ANO7: variants seen among roughly 807,000 people sequenced by gnomAD.
ANO7 encodes anoctamin 7.
A neutral mutation model predicts 115.8 loss-of-function variants in ANO7; 114 were observed. The ratio of observed to expected loss-of-function variants is 0.98; its 90% CI spans 0.85 to 1.15. The LOEUF is 1.15. Ranked by LOEUF, ANO7 falls within the 50% of genes most tolerant of loss-of-function variation. The probability of loss-of-function intolerance (pLI) is 0.00; values close to 1 mark genes in which losing one functional copy is unlikely to be tolerated. For synonymous variants in ANO7, 550 were observed against 498.2 expected, an observed-to-expected ratio of 1.10 and a Z score of -1.38; for missense variants, 1,302 against 1,201.2, an observed-to-expected ratio of 1.08 and a Z score of -1.24.
chr2:241,210,211 A>C lies in ANO7; in HGVS notation c.1360-84A>C, dbSNP rs536535459. 3.0e-6 allele frequency: 4 copies of C among 1,347,048 alleles called. No homozygotes were observed. In the South Asian group the frequency reaches 4.7e-5, roughly 16 times the overall value. The allele number at this position is 1,347,048 out of a possible 1,614,324, so 83.4% of individuals were successfully genotyped here. ...AGTGCTGGGGCCAGCAGTGGACTAGAAGAGCTGTCGGGGGCCATGGCCTGA... is the reference window on the plus strand; with the variant it reads ...AGTGCTGGGGCCAGCAGTGGACTAGCAGAGCTGTCGGGGGCCATGGCCTGA... On this transcript the variant is annotated intron_variant, in intron 13 of 24. Coordinates refer to ENST00000674324, the MANE Select transcript of ANO7 (RefSeq NM_001370694.2).
chr2:241,236,796 C>T, the ANO7 span: 1 of 1,610,050 alleles, frequency 6.2e-7, no homozygotes, highest in Non-Finnish European at 8.5e-7. Context: ...AAAGGGACAG[C>T]TGACAGCTGC....
Position 241,210,300 on chromosome 2 carries a change from CGTG to C in ANO7, c.1371_1373del (p.Val458del). The C allele has an allele frequency of 6.2e-7, 1 of 1,613,834 alleles. No individual in the cohort carries two copies. The highest frequency in any genetic ancestry group is 1.1e-5 in the South Asian group (1 of 91,072). Reference sequence around the variant, plus strand: ...GGGCCTCCCTGCCCCCGCAGGTGGCCGTGGTGGTCATGTGCCTCGTGTCTATCA... The same window carrying C: ...GGGCCTCCCTGCCCCCGCAGGTGGCCGTGGTCATGTGCCTCGTGTCTATCA... On this transcript the variant is annotated inframe_deletion, in exon 14 of 25. Coordinates refer to ENST00000674324, the MANE Select transcript of ANO7 (RefSeq NM_001370694.2).
chr2:241,201,886 T>C (rs1294420206), intron 7 of ANO7, among the ~76,000 whole-genome samples: 1 of 152,062 alleles, frequency 6.6e-6, no homozygotes, highest in South Asian at 2.1e-4. Flanking sequence ...AGGTCCAGAG[T>C]GGGCTGCGCA....
chr2:241,237,733 G>A, the ANO7 span, among the ~76,000 whole-genome samples: 2 of 152,196 alleles, frequency 1.3e-5, no homozygotes, highest in Non-Finnish European at 2.9e-5. Context: ...AAAAACGTGT[G>A]TAAAAGGGGA....
intron 16 of ANO7, 71 bp downstream of exon 16, chr2:241,212,276 G>A: frequency 2.1e-6 from 3 of 1,417,142 alleles, no homozygotes; most frequent in South Asian, 2.3e-5. Flanking sequence ...CCGCTGCCTG[G>A]GTACCAGGCG....
intron 18 of ANO7, among the ~76,000 whole-genome samples, chr2:241,215,573 G>A (rs959678393): frequency 1.3e-5 from 2 of 152,256 alleles, no homozygotes; most frequent in African/African-American, 4.8e-5. Context: ...CCTGCCTCTT[G>A]GAACTATTGG....
chr2:241,195,955 C>T (rs900653304), intron 4 of ANO7, 110 bp downstream of exon 4: 4 of 1,597,196 alleles, frequency 2.5e-6, no homozygotes, highest in Non-Finnish European at 2.6e-6. Context: ...CAGAGCAGAT[C>T]AGGCCCCAAA....
rs2068523861 is a variant in ANO7 at position 241,203,631 on chromosome 2, C to CCCCTCAAGGG, written c.889+133_889+134insCCCTCAAGGG. 1 of 628,766 alleles carries CCCCTCAAGGG rather than the reference C, an allele frequency of 1.6e-6. No individual in the cohort carries two copies. Among genetic ancestry groups the CCCCTCAAGGG allele is most frequent in the African/African-American group, 1.9e-5 (1 of 51,672 alleles). The allele number at this position is 628,766 out of a possible 1,614,324, so 38.9% of individuals were successfully genotyped here. A position where few individuals can be genotyped will look rare whatever the true frequency, so the allele number is the denominator to read the frequency against. On this transcript the variant is annotated intron_variant, in intron 9 of 24. Coordinates refer to ENST00000674324, the MANE Select transcript of ANO7 (RefSeq NM_001370694.2). The surrounding 1 kb of genome is among the most constrained non-coding windows in gnomAD (Gnocchi z 4.8). ...TGGACGGTGGGCGCAGCTCTTGGCT[C>CCCCTCAAGGG]GACCGGGCTGCCCTCCTGGCTCCCC...
At chr2:241,195,902 T>C (rs1475323658) in intron 4 of ANO7, 57 bp downstream of exon 4, 5 of 1,613,884 alleles carry the variant, frequency 3.1e-6, no homozygotes, top group Non-Finnish European at 4.2e-6. Flanking sequence ...CAGTGACCCA[T>C]GACCTTGCCG....
intron 21 of ANO7, among the ~76,000 whole-genome samples, chr2:241,219,826 G>A (rs2068967369): frequency 6.6e-6 from 1 of 150,626 alleles, no homozygotes. Context: ...CAATGCCCTG[G>A]CCTCCCAAAG....
At chr2:241,232,237 G>T in the ANO7 span, among the ~76,000 whole-genome samples, 1 of 151,864 alleles carries the variant, frequency 6.6e-6, no homozygotes, top group Non-Finnish European at 1.5e-5. Context: ...CTTGGCTCAT[G>T]GTGTATTAGA....
At chr2:241,239,912 T>C in the ANO7 span, 2 of 1,614,066 alleles carry the variant, frequency 1.2e-6, no homozygotes, top group South Asian at 2.2e-5. This position sits in a 1 kb window ranked among gnomAD's most constrained non-coding sequence, Gnocchi z 4.6. Flanking sequence ...AGGTTTTGGA[T>C]CAAGGCCTCC....
intron 19 of ANO7, 83 bp downstream of exon 19, chr2:241,216,321 T>C: frequency 6.9e-7 from 1 of 1,442,786 alleles, no homozygotes; most frequent in Non-Finnish European, 9.2e-7. Flanking sequence ...CCTCCCAGCC[T>C]GACATTCCTG....
At chr2:241,219,789 G>C (rs535832590) in intron 21 of ANO7, among the ~76,000 whole-genome samples, 1 of 148,026 alleles carries the variant, frequency 6.8e-6, no homozygotes, top group African/African-American at 2.5e-5. Flanking sequence ...ATGTTACTCA[G>C]GCTAGTCTCA....
intron 8 of ANO7, among the ~76,000 whole-genome samples, chr2:241,202,624 C>T (rs1395601616): frequency 6.6e-6 from 1 of 152,226 alleles, no homozygotes; most frequent in Non-Finnish European, 1.5e-5. Flanking sequence ...GTGAGGTCTC[C>T]TATCCCCCTC....
rs1281692226 is a variant in ANO7 at position 241,195,721 on chromosome 2, G to C, written c.185G>C (p.Trp62Ser). The C allele has an allele frequency of 1.2e-6, 2 of 1,614,170 alleles. No homozygotes were observed. The highest frequency in any genetic ancestry group is 4.5e-5 in the East Asian group (2 of 44,888). Reference sequence around the variant, plus strand: ...CTCCCAGCAGACTTCGTCCTCGTTTGGGAGGAGGACCTGAAGCTAGACAGG... The same window carrying C: ...CTCCCAGCAGACTTCGTCCTCGTTTCGGAGGAGGACCTGAAGCTAGACAGG... ...KPRIADFVLV[W>S]EEDLKLDRQQ... Residue 62 changes from tryptophan (W) to serine (S), a missense_variant, in exon 4 of 25, where the codon TGG (tryptophan) becomes TCG (serine). By Grantham distance (177) the Trp-to-Ser change is radical. Coordinates refer to ENST00000674324, the MANE Select transcript of ANO7 (RefSeq NM_001370694.2).
chr2:241,192,841 C>T (rs1243794007), intron 3 of ANO7, among the ~76,000 whole-genome samples: 1 of 152,004 alleles, frequency 6.6e-6, no homozygotes, highest in African/African-American at 2.4e-5. Context: ...AAATGTGATT[C>T]CACTTATATG....
intron 18 of ANO7, 46 bp downstream of exon 18, chr2:241,214,948 C>A (rs1258213315): frequency 6.5e-7 from 1 of 1,546,786 alleles, no homozygotes; most frequent in Admixed American, 1.7e-5. Flanking sequence ...GACCGAGGGA[C>A]CCCAGAGCAC....
At position 241,201,307 on chromosome 2, in the gene ANO7, G is replaced by A. The variant is rs2149159744; in HGVS notation, c.564G>A (p.Gly188=). 1 of 1,613,354 alleles carries A rather than the reference G, an allele frequency of 6.2e-7. No homozygotes were observed. ...FRVNKLPRFL[G]SDNQDTFFTS... The stretch of plus-strand genomic sequence containing the variant: ...GTTCACATGCCCACAGCTTCCTCGG[G>A]AGTGACAACCAGGACACCTTCTTCA... The change falls in exon 7 of 25, where the codon GGG becomes GGA. Residue 188 remains glycine, a synonymous_variant. Transcript: ENST00000674324.
Sources: gnomAD v4.1 joint callset for allele counts (sites outside exome capture counted in the v4.1 genomes callset) on GRCh38, gnomAD v4.1.1 for gene constraint, Gnocchi (gnomAD v3.1) non-coding constraint, MANE v1.5 for transcripts, NCBI Gene and HGNC (gene_info 2026-07-23, HGNC 2026-07-21) for gene names.